SPRY3: variants seen among roughly 807,000 people sequenced by gnomAD.
SPRY3 encodes the protein sprouty RTK signaling antagonist 3, also known as protein sprouty homolog 3.
Under a neutral mutation model 20.2 loss-of-function variants are expected in SPRY3, and 15 were observed. The ratio of observed to expected loss-of-function variants is 0.74; its 90% confidence interval spans 0.50 to 1.14. The LOEUF is 1.14. Among genes scored for constraint, SPRY3 ranks in the 50% most tolerant of loss-of-function variants. SPRY3 has a pLI of 0.00. For missense variants in SPRY3, 364 were observed against 363.9 expected (o/e 1.00, Z 0.00); for synonymous variants, 143 against 136.5 (o/e 1.05, Z -0.33).
At chrX:155,743,109 A>G (rs2091211058) in intron 2 of SPRY3, among the ~76,000 whole-genome samples, 1 of 152,144 alleles carries the variant, frequency 6.6e-6, no homozygotes, top group African/African-American at 2.4e-5. Flanking sequence ...AATCAAATAG[A>G]CACAATCAGA....
chrX:155,720,558 T>A (rs1381977990), intron 2 of SPRY3, among the ~76,000 whole-genome samples: 1 of 152,096 alleles, frequency 6.6e-6, no homozygotes, highest in Non-Finnish European at 1.5e-5. Flanking sequence ...ACCACAGGGG[T>A]GCTTGTGTCA....
At chrX:155,704,687 TG>T (rs1415687466) in intron 2 of SPRY3, among the ~76,000 whole-genome samples, 1 of 151,548 alleles carries the variant, frequency 6.6e-6, no homozygotes, top group Non-Finnish European at 1.5e-5. Flanking sequence ...GCACCAAACA[TG>T]ACTTTTTAAA....
intron 2 of SPRY3, among the ~76,000 whole-genome samples, chrX:155,766,753 CCCAGGGAGG>C: frequency 6.6e-6 from 1 of 152,238 alleles, no homozygotes; most frequent in South Asian, 2.1e-4. Flanking sequence ...TATTTTCAGT[CCCAGGGAGG>C]CTGCATGAAG....
chrX:155,774,715 A>G, exon 4 of SPRY3: 1 of 1,612,696 alleles, frequency 6.2e-7, no homozygotes, highest in Non-Finnish European at 8.5e-7. Context: ...ACCCTTCCCC[A>G]AGGCCCAGGA....
At chrX:155,641,808 T>A (rs1255289396) in intron 1 of SPRY3, among the ~76,000 whole-genome samples, 1 of 114,941 alleles carries the variant, frequency 8.7e-6, no homozygotes, top group Non-Finnish European at 1.9e-5. Context: ...GGTTTGCTGG[T>A]CACAGAAAAA....
chrX:155,708,888 C>T (rs771941049), intron 2 of SPRY3, among the ~76,000 whole-genome samples: 23 of 151,472 alleles, frequency 1.5e-4, no homozygotes, highest in African/African-American at 4.8e-4. Flanking sequence ...CCCACCTTTT[C>T]CCTATTAACG....
chrX:155,669,430 A>C (rs2068033660), intron 2 of SPRY3, among the ~76,000 whole-genome samples: 1 of 111,097 alleles, frequency 9.0e-6, no homozygotes, highest in Non-Finnish European at 1.9e-5. Flanking sequence ...ACAGAGAAAA[A>C]ACATTGAGTT....
chrX:155,705,232 A>G (rs2090942132), intron 2 of SPRY3, among the ~76,000 whole-genome samples: 1 of 151,528 alleles, frequency 6.6e-6, no homozygotes. Flanking sequence ...AGCACAATGG[A>G]TGGGAGGGAG....
At chrX:155,692,912 T>C (rs943492852) in intron 2 of SPRY3, among the ~76,000 whole-genome samples, 3 of 111,462 alleles carry the variant, frequency 2.7e-5, no homozygotes, top group African/African-American at 9.7e-5. Context: ...GTTTTCTCTC[T>C]CTTTTATTTT....
chrX:155,637,063 T>C (rs1426305823), intron 1 of SPRY3, among the ~76,000 whole-genome samples: 9 of 98,373 alleles, frequency 9.1e-5, no homozygotes, highest in African/African-American at 2.6e-4. Flanking sequence ...AGGGATAGCA[T>C]TGGGAGATAT....
intron 2 of SPRY3, among the ~76,000 whole-genome samples, chrX:155,706,095 T>A (rs1569380720): frequency 6.6e-6 from 1 of 151,282 alleles, no homozygotes. Flanking sequence ...TATTCACCAA[T>A]GTAGACCATA....
intron 2 of SPRY3, among the ~76,000 whole-genome samples, chrX:155,753,749 A>G (rs1268494531): frequency 2.0e-5 from 3 of 151,812 alleles, no homozygotes; most frequent in African/African-American, 7.3e-5. Context: ...CATCCTCACT[A>G]CCACGTGTGA....
At chrX:155,759,901 C>T (rs1237868534) in intron 2 of SPRY3, among the ~76,000 whole-genome samples, 2 of 152,084 alleles carry the variant, frequency 1.3e-5, no homozygotes, top group African/African-American at 2.4e-5. Context: ...TCCTCTATGA[C>T]TCAATTGAAA....
intron 2 of SPRY3, among the ~76,000 whole-genome samples, chrX:155,759,474 G>A (rs182024497): frequency 6.6e-6 from 1 of 151,918 alleles, no homozygotes; most frequent in Admixed American, 6.6e-5. Flanking sequence ...TAAATTATGA[G>A]CCCCTTGAAA....
At chrX:155,767,702 A>AGGGGGAGG (rs1569399868) in intron 2 of SPRY3, 5 of 119,320 alleles carry the variant, frequency 4.2e-5, no homozygotes, top group Admixed American at 9.2e-5. Flanking sequence ...GAGGAGGAGA[A>AGGGGGAGG]AGAAGAGGAG....
chrX:155,768,064 G>C (rs1167823352), exon 3 of SPRY3: 2 of 152,196 alleles, frequency 1.3e-5, no homozygotes, highest in African/African-American at 2.4e-5. Flanking sequence ...AGACTGAGGA[G>C]AAGAGATCCT....
chrX:155,746,731 T>C lies in SPRY3; in HGVS notation c.-281-21231T>C, dbSNP rs1026216345. Among the ~76,000 whole-genome samples, 81 of 151,954 alleles carry C rather than the reference T, an allele frequency of 5.3e-4. 1 individual carries two copies. Among genetic ancestry groups the C allele is most frequent in the Admixed American group, 8.5e-4 (13 of 15,220 alleles). On this transcript the variant is annotated intron_variant, in intron 2 of 3. Transcript: ENST00000675360. ...ATTCTGGAAGGACTAACCTGGCTGA[T>C]CTATAATGGACAGCTGTGCATGACC...
chrX:155,774,832 T>C (rs1647969428), exon 4 of SPRY3: 1 of 1,391,092 alleles, frequency 7.2e-7, no homozygotes, highest in Non-Finnish European at 9.8e-7. Context: ...AGTGATAAAC[T>C]AGCCAAAGTT....
At position 155,718,336 on chromosome X, in the gene SPRY3, C is replaced by T. The variant is rs901267778; in HGVS notation, c.-281-49626C>T. Among the ~76,000 whole-genome samples, 35 of 152,160 alleles carry T rather than the reference C, an allele frequency of 2.3e-4. 1 individual carries two copies. The highest frequency in any genetic ancestry group is 1.4e-3 in the Admixed American group (21 of 15,272). The stretch of plus-strand genomic sequence containing the variant: ...AAAGATTGTGTTCAGAAAAATACCA[C>T]CCTCCCAGATAGCACTGTGCCCCAT... On this transcript the variant is annotated intron_variant, in intron 2 of 3. Coordinates refer to ENST00000675360, the Ensembl canonical transcript of SPRY3.
Sources: allele counts gnomAD v4.1 joint callset (sites outside exome capture counted in the v4.1 genomes callset), GRCh38; gene constraint gnomAD v4.1.1; transcripts MANE v1.5; gene names NCBI Gene and HGNC (gene_info 2026-07-23, HGNC 2026-07-21).